EDN1: variants seen among roughly 807,000 people sequenced by gnomAD.
EDN1 encodes endothelin-1.
In EDN1, 11 loss-of-function variants were observed where a neutral mutation model predicts 21.7. That is an observed-to-expected ratio of 0.51 (90% CI 0.32 to 0.84). The LOEUF (loss-of-function observed/expected upper bound fraction) is 0.84, where lower values mean the gene tolerates loss of function less well. Among genes scored for constraint, EDN1 ranks in the 40% least tolerant of loss-of-function variants. EDN1 has a pLI of 0.03. For missense variants in EDN1, 244 were observed against 262.3 expected (o/e 0.93, Z 0.48); for synonymous variants, 85 against 90.6 (o/e 0.94, Z 0.35).
chr6:12,277,079 A>AT, the EDN1 span, among the ~76,000 whole-genome samples: 2 of 152,234 alleles, frequency 1.3e-5, no homozygotes, highest in Non-Finnish European at 2.9e-5. Context: ...CCCATGAAGC[A>AT]TTTTTTTGGA....
At chr6:12,288,970 G>C (rs1354368984), upstream of EDN1, among the ~76,000 whole-genome samples, 1 of 152,090 alleles carries the variant, frequency 6.6e-6, no homozygotes, top group African/African-American at 2.4e-5. Context: ...GGTCTTACTG[G>C]GCCACTGTGA....
chr6:12,290,878 A>G (rs1418253582), intron 1 of EDN1, among the ~76,000 whole-genome samples, 185 bp downstream of exon 1: 1 of 151,448 alleles, frequency 6.6e-6, no homozygotes, highest in African/African-American at 2.4e-5. Context: ...AAATTCCTCT[A>G]TTGAATACAA....
At chr6:12,247,524 T>TTTC in the EDN1 span, among the ~76,000 whole-genome samples, 7 of 134,700 alleles carry the variant, frequency 5.2e-5, no homozygotes, top group South Asian at 2.3e-4. Flanking sequence ...TTCTTTTTTT[T>TTTC]TTTCTTTCTT....
At chr6:12,254,198 GC>G in the EDN1 span, among the ~76,000 whole-genome samples, 1 of 152,114 alleles carries the variant, frequency 6.6e-6, no homozygotes, top group East Asian at 1.9e-4. Context: ...CTCATTTGTT[GC>G]TTTTTATATC....
intron 2 of EDN1, 45 bp from the exon 3 acceptor site, chr6:12,293,896 C>T (rs777774061): frequency 1.2e-6 from 2 of 1,600,912 alleles, no homozygotes; most frequent in Non-Finnish European, 1.7e-6. Flanking sequence ...ATTTTAAAGA[C>T]TATTAATTAC....
the EDN1 span, among the ~76,000 whole-genome samples, chr6:12,279,696 T>A: frequency 1.3e-5 from 2 of 152,132 alleles, no homozygotes; most frequent in African/African-American, 4.8e-5. Context: ...ACTAGGAAAA[T>A]TTGAACTGAA....
chr6:12,271,994 A>C, the EDN1 span, among the ~76,000 whole-genome samples: 1 of 152,172 alleles, frequency 6.6e-6, no homozygotes, highest in Non-Finnish European at 1.5e-5. Flanking sequence ...AAATCCAAAA[A>C]CTTTTTTTTA....
At chr6:12,264,218 GGTA>G in the EDN1 span, among the ~76,000 whole-genome samples, 43 of 152,302 alleles carry the variant, frequency 2.8e-4, no homozygotes, top group South Asian at 8.5e-3. Flanking sequence ...CAGTACAGAT[GGTA>G]GCAAGGGTTG....
At chr6:12,258,427 G>A in the EDN1 span, among the ~76,000 whole-genome samples, 1 of 129,584 alleles carries the variant, frequency 7.7e-6, no homozygotes, top group Admixed American at 8.4e-5. Flanking sequence ...TCCAGCCTGG[G>A]TTTCGGAGTG....
At chr6:12,286,283 A>G (rs574004297), upstream of EDN1, among the ~76,000 whole-genome samples, 4 of 152,250 alleles carry the variant, frequency 2.6e-5, no homozygotes, top group Non-Finnish European at 5.9e-5. Context: ...TAAAATGTAC[A>G]GGATGAATTT....
At chr6:12,289,505 G>T (rs1396431868), upstream of EDN1, among the ~76,000 whole-genome samples, 4 of 152,100 alleles carry the variant, frequency 2.6e-5, no homozygotes, top group Non-Finnish European at 5.9e-5. Context: ...AGCCCCTGTA[G>T]CTCTTCATCT....
At chr6:12,285,273 C>CACTGGA in the EDN1 span, among the ~76,000 whole-genome samples, 3 of 152,130 alleles carry the variant, frequency 2.0e-5, no homozygotes, top group Non-Finnish European at 2.9e-5. Context: ...ACTGCTGCAG[C>CACTGGA]ACTGGAGCAA....
the EDN1 span, among the ~76,000 whole-genome samples, chr6:12,273,790 G>A: frequency 3.3e-5 from 5 of 152,048 alleles, no homozygotes; most frequent in African/African-American, 4.8e-5. Context: ...GTTTCAGTAA[G>A]TGCCTTTCCT....
At chr6:12,262,770 GC>G in the EDN1 span, among the ~76,000 whole-genome samples, 2 of 151,818 alleles carry the variant, frequency 1.3e-5, no homozygotes. Flanking sequence ...TACTTGGGAG[GC>G]TGAGGCAAGA....
At chr6:12,263,167 T>C in the EDN1 span, among the ~76,000 whole-genome samples, 2 of 152,212 alleles carry the variant, frequency 1.3e-5, no homozygotes, top group African/African-American at 4.8e-5. Flanking sequence ...AGAAAATGTA[T>C]TGAATATTCT....
the EDN1 span, among the ~76,000 whole-genome samples, chr6:12,276,161 CAAAAAAAAA>C: frequency 7.3e-5 from 5 of 68,618 alleles, no homozygotes; most frequent in Admixed American, 6.0e-4. Context: ...GACTCCATCT[CAAAAAAAAA>C]AAAAAAAAAA....
chr6:12,258,109 T>C, the EDN1 span, among the ~76,000 whole-genome samples: 6 of 151,782 alleles, frequency 4.0e-5, no homozygotes, highest in African/African-American at 1.5e-4. Flanking sequence ...GTATACTAAT[T>C]AGTATAATTG....
the EDN1 span, among the ~76,000 whole-genome samples, chr6:12,234,734 T>A: frequency 2.0e-5 from 3 of 152,304 alleles, no homozygotes; most frequent in South Asian, 6.2e-4. Context: ...CTCAAGGTGC[T>A]AGAATTAACC....
chr6:12,292,366 G>A lies in EDN1; in HGVS notation c.90G>A (p.Ala30=), dbSNP rs150035515. 2.0e-4 allele frequency: 321 copies of A among 1,614,138 alleles called. 1 individual carries two copies. The East Asian group carries it at 3.9e-3, about 20-fold the overall frequency. Residue 30 remains alanine, a synonymous_variant, in exon 2 of 5, where the codon GCG becomes GCA. Coordinates refer to ENST00000379375, the MANE Select transcript of EDN1 (RefSeq NM_001955.5). The part of the protein sequence containing the change: ...ETAVLGAELS[A]VGENGGEKPT... ...CAGTCTTAGGCGCTGAGCTCAGCGC[G>A]GTGGGTGAGAACGGCGGGGAGAAAC...
Sources: allele counts gnomAD v4.1 joint callset (sites outside exome capture counted in the v4.1 genomes callset), GRCh38; gene constraint gnomAD v4.1.1; transcripts MANE v1.5; gene names NCBI Gene and HGNC (gene_info 2026-07-23, HGNC 2026-07-21).